ATP1A2: variants seen among roughly 807,000 people sequenced by gnomAD.
ATP1A2 encodes the protein sodium/potassium-transporting ATPase subunit alpha-2.
In ATP1A2, 56 loss-of-function variants were observed where a neutral mutation model predicts 113.1. The ratio of observed to expected loss-of-function variants is 0.49; its 90% CI spans 0.40 to 0.62. The LOEUF is 0.62. Among genes scored for constraint, ATP1A2 ranks in the 20% least tolerant of loss-of-function variants. ATP1A2 has a pLI of 0.00. For missense variants in ATP1A2, 712 were observed against 1,357.8 expected, an observed-to-expected ratio of 0.52 and a Z score of 7.47; for synonymous variants, 490 against 526.8, an observed-to-expected ratio of 0.93 and a Z score of 0.96.
At position 160,129,394 on chromosome 1, in the gene ATP1A2, G is replaced by C; in HGVS notation, c.1455G>C (p.Lys485Asn). 6.2e-7 allele frequency: 1 copy of C among 1,613,336 alleles called. No individual in the cohort carries two copies. Among genetic ancestry groups the C allele is most frequent in the Non-Finnish European group, 8.5e-7 (1 of 1,179,998 alleles). The change falls in exon 11 of 23, where the codon AAG becomes AAC. Residue 485 changes from lysine to asparagine, a missense_variant. By Grantham distance (94) the Lys-to-Asn change is moderately conservative. Coordinates refer to ENST00000361216, the MANE Select transcript of ATP1A2 (RefSeq NM_000702.4). ...VAEIPFNSTNKYQLSIHERED... is the reference protein window; with the variant it reads ...VAEIPFNSTNNYQLSIHERED... ...AGATTCCTTTCAACTCTACCAACAA[G>C]TACCAGGTCTGCTTGGGTTGCCAGG... is the stretch of plus-strand genomic sequence containing the variant.
rs1651664283 is a variant in ATP1A2 at position 160,128,709 on chromosome 1, C to T, written c.1075C>T (p.Leu359=). The T allele has an allele frequency of 1.9e-6, 3 of 1,614,034 alleles. No homozygotes were observed. Among genetic ancestry groups the T allele is most frequent in the South Asian group, 2.2e-5 (2 of 91,078 alleles). The change falls in exon 9 of 23, where the codon CTG becomes TTG. Residue 359 remains leucine (L), a synonymous_variant. Coordinates refer to ENST00000361216, the MANE Select transcript of ATP1A2 (RefSeq NM_000702.4). ...MARKNCLVKN[L]EAVETLGSTS... The stretch of plus-strand genomic sequence containing the variant: ...ACGGAAGAACTGCCTGGTGAAGAAC[C>T]TGGAGGCGGTGGAGACGCTGGGCTC...
intron 17 of ATP1A2, 77 bp downstream of exon 17, chr1:160,136,070 G>A: frequency 1.9e-6 from 3 of 1,611,398 alleles, no homozygotes; most frequent in Non-Finnish European, 2.5e-6. Flanking sequence ...GGTGCACTGG[G>A]GCAGTGGCCC....
rs368603035 is a variant in ATP1A2, at chr1:160,116,548, C to G, written c.12+675C>G. The stretch of plus-strand genomic sequence containing the variant: ...AGAGGCTGGTGACAGGTGACCCCCC[C>G]CCCAGTCCACCCGTCCATGGCATTC... On this transcript the variant is annotated intron_variant, in intron 1 of 22. Transcript: ENST00000361216. Among the ~76,000 whole-genome samples, 121 of 152,000 alleles carry G rather than the reference C, an allele frequency of 8.0e-4. 1 individual carries two copies. The highest frequency in any genetic ancestry group is 1.3e-3 in the Non-Finnish European group (86 of 67,988).
At chr1:160,115,980 G>C (rs1010426762) in intron 1 of ATP1A2, 107 bp downstream of exon 1, 2 of 1,508,552 alleles carry the variant, frequency 1.3e-6, no homozygotes, top group African/African-American at 2.8e-5. Flanking sequence ...GAGGAGCTGA[G>C]TGGGATACTT....
In ATP1A2 at chr1:160,141,329, T is replaced by C; in HGVS notation, c.*7T>C. 1 of 1,614,008 alleles carries C rather than the reference T, an allele frequency of 6.2e-7. No individual in the cohort carries two copies. Reference sequence around the variant, plus strand: ...GAAGGAGACATACTACTGACCCCATTGGAAGAAGAACCAGGCATGGAAAGA... The same window carrying C: ...GAAGGAGACATACTACTGACCCCATCGGAAGAAGAACCAGGCATGGAAAGA... On this transcript the variant is annotated 3_prime_UTR_variant, in exon 23 of 23. Transcript: ENST00000361216.
intron 13 of ATP1A2, among the ~76,000 whole-genome samples, chr1:160,133,083 A>G (rs1448842769): frequency 4.6e-5 from 7 of 152,076 alleles, no homozygotes; most frequent in Non-Finnish European, 7.3e-5. Flanking sequence ...TGAGCCCCTC[A>G]TTCAACTCCA....
rs200854586 is a variant in ATP1A2, at chr1:160,135,309, C to A, written c.2115+14C>A. On this transcript the variant is annotated intron_variant, in intron 15 of 22. Coordinates refer to ENST00000361216, the MANE Select transcript of ATP1A2 (RefSeq NM_000702.4). This position sits in a 1 kb window ranked among gnomAD's most constrained non-coding sequence, Gnocchi z 6.3. ...TGTCAGAGGCAGGTGAGCACAGCCA[C>A]GGGAGGCAGATGACAGGCAGGGACC... 1.9e-6 allele frequency: 3 copies of A among 1,614,090 alleles called. No homozygotes were observed. The highest frequency in any genetic ancestry group is 2.2e-5 in the South Asian group (2 of 91,084).
rs386368465 is a variant in ATP1A2, at chr1:160,119,256, C to CAAAAAAAAAAAAAA, written c.13-1636_13-1623dup. Reference sequence around the variant, plus strand: ...AAACCCCCAAAACTGCATTATCCTGCAAAAAAAAAAAAAAAAAAAAAAAAA... The same window carrying CAAAAAAAAAAAAAA: ...AAACCCCCAAAACTGCATTATCCTGCAAAAAAAAAAAAAAAAAAAAAAAAAAAAAAAAAAAAAAA... On this transcript the variant is annotated intron_variant, in intron 1 of 22. Coordinates refer to ENST00000361216, the MANE Select transcript of ATP1A2 (RefSeq NM_000702.4). 6.5e-4 allele frequency among the ~76,000 whole-genome samples: 32 copies of CAAAAAAAAAAAAAA among 49,428 alleles called. 6 individuals are homozygous for CAAAAAAAAAAAAAA. Among genetic ancestry groups the CAAAAAAAAAAAAAA allele is most frequent in the East Asian group, 1.6e-3 (2 of 1,282 alleles). The allele number at this position is 49,428 out of a possible 152,430, so 32.4% of individuals were successfully genotyped here.
At chr1:160,137,195 G>A (rs1651980080) in intron 20 of ATP1A2, 164 bp downstream of exon 20, 5 of 1,195,694 alleles carry the variant, frequency 4.2e-6, no homozygotes, top group Non-Finnish European at 5.9e-6. Flanking sequence ...ATAGAAGAGA[G>A]AAGCCATGCT....
At position 160,127,373 on chromosome 1, in the gene ATP1A2, G is replaced by A. The variant is rs151177923; in HGVS notation, c.749-179G>A. The stretch of plus-strand genomic sequence containing the variant: ...TAATTTGCTGTTGTATTGATTCAAG[G>A]ATTGGCGATCTATCCAGGGAAAGGA... On this transcript the variant is annotated intron_variant, in intron 7 of 22. Coordinates refer to ENST00000361216, the MANE Select transcript of ATP1A2 (RefSeq NM_000702.4). 2.6e-3 allele frequency among the ~76,000 whole-genome samples: 398 copies of A among 152,318 alleles called. 4 individuals carry two copies. The highest frequency in any genetic ancestry group is 9.2e-3 in the African/African-American group (383 of 41,572).
At chr1:160,130,075 C>G (rs1460893096) in intron 11 of ATP1A2, 27 bp from the exon 12 acceptor site, 10 of 1,614,104 alleles carry the variant, frequency 6.2e-6, no homozygotes, top group Non-Finnish European at 8.5e-6. Context: ...GTATGGCCCT[C>G]TCTGTAACTA....
rs767045548 is a variant in ATP1A2, at chr1:160,124,341, G to A, written c.541G>A (p.Glu181Lys). Residue 181 changes from glutamate to lysine, a missense_variant, in exon 6 of 23, where the codon GAG (glutamate) becomes AAG (lysine). Glu to Lys is a moderately conservative substitution (Grantham distance 56). Around this residue, in one of 6 missense-constraint regions of ATP1A2, gnomAD observed 99 missense variants for 180.4 expected, o/e 0.55. Transcript: ENST00000361216. ...REGEKMQINA[E>K]EVVVGDLVEV... is the part of the protein sequence containing the mutation. ...GGGAGAGAAGATGCAGATCAACGCA[G>A]AGGAAGTGGTGGTGGGAGACCTGGT... 3 of 1,612,294 alleles carry A rather than the reference G, an allele frequency of 1.9e-6. No homozygotes were observed. The highest frequency in any genetic ancestry group is 2.2e-5 in the South Asian group (2 of 90,622).
rs371742379 is a variant in ATP1A2, at chr1:160,139,725, C to A, written c.2926C>A (p.Arg976Ser). 6 of 1,614,186 alleles carry A rather than the reference C, an allele frequency of 3.7e-6. No individual in the cohort carries two copies. The highest frequency in any genetic ancestry group is 5.1e-6 in the Non-Finnish European group (6 of 1,180,024). ...CTGCCCAGGCATGGGTGTAGCCCTC[C>A]GCATGTACCCGCTCAAGTGAGTGTC... ...SYCPGMGVAL[R>S]MYPLKVTWWF... Residue 976 changes from arginine to serine, a missense_variant, in exon 21 of 23, where the codon CGC (arginine) becomes AGC (serine). Arg to Ser is a moderately radical substitution (Grantham distance 110). Around this residue, in one of 6 missense-constraint regions of ATP1A2, gnomAD observed 188 missense variants for 438.9 expected, o/e 0.43. Transcript: ENST00000361216.
intron 7 of ATP1A2, among the ~76,000 whole-genome samples, chr1:160,126,572 C>G (rs532392110): frequency 7.3e-4 from 111 of 152,210 alleles, no homozygotes; most frequent in Middle Eastern, 3.4e-3. Context: ...CAGGCTCAAG[C>G]GATCTCCCAC....
intron 8 of ATP1A2, among the ~76,000 whole-genome samples, chr1:160,128,134 C>G (rs1651643793): frequency 6.6e-6 from 1 of 152,212 alleles, no homozygotes; most frequent in African/African-American, 2.4e-5. Flanking sequence ...CAGTCACTAA[C>G]TAGCAAATCC....
rs761325687 is a variant in ATP1A2, at chr1:160,129,244, G to A, written c.1327-22G>A. 1.9e-6 allele frequency: 3 copies of A among 1,614,122 alleles called. No homozygotes were observed. In the South Asian group the frequency reaches 3.3e-5, roughly 18 times the overall value. On this transcript the variant is annotated intron_variant, in intron 10 of 22. Transcript: ENST00000361216. ...CTCCCTTCCCTCCCATGCTGACACT[G>A]AATTCTTGTCTCTTCTGGCAGCGGG...
Position 160,135,228 on chromosome 1 carries a change from C to G in ATP1A2, c.2048C>G (p.Thr683Arg). The change falls in exon 15 of 23, where the codon ACA becomes AGA. Residue 683 changes from threonine to arginine, a missense_variant. Physicochemically the swap from Thr to Arg is moderately conservative, Grantham distance 71. Coordinates refer to ENST00000361216, the MANE Select transcript of ATP1A2 (RefSeq NM_000702.4). This position sits in a 1 kb window ranked among gnomAD's most constrained non-coding sequence, Gnocchi z 6.3. ...EQLDEILKNH[T>R]EIVFARTSPQ... Reference sequence around the variant, plus strand: ...CTCGATGAGATCCTCAAGAACCACACAGAGATCGTCTTTGCTCGAACGTCT... The same window carrying G: ...CTCGATGAGATCCTCAAGAACCACAGAGAGATCGTCTTTGCTCGAACGTCT... 1 of 1,614,084 alleles carries G rather than the reference C, an allele frequency of 6.2e-7. No individual in the cohort carries two copies. Among genetic ancestry groups the G allele is most frequent in the Non-Finnish European group, 8.5e-7 (1 of 1,180,054 alleles).
intron 3 of ATP1A2, among the ~76,000 whole-genome samples, chr1:160,122,353 C>G (rs1253186258): frequency 6.6e-6 from 1 of 151,124 alleles, no homozygotes; most frequent in African/African-American, 2.4e-5. Flanking sequence ...TCTTGTCCAT[C>G]TCTGCATCCG....
At chr1:160,139,380 G>A (rs868849715) in intron 20 of ATP1A2, among the ~76,000 whole-genome samples, 8 of 152,126 alleles carry the variant, frequency 5.3e-5, no homozygotes, top group East Asian at 1.9e-4. Context: ...TACAGAACAC[G>A]TCACCCAACA....
Sources: allele counts gnomAD v4.1 joint callset (sites outside exome capture counted in the v4.1 genomes callset), GRCh38; gene constraint gnomAD v4.1.1; regional missense constraint gnomAD v4.1.1; non-coding constraint Gnocchi (gnomAD v3.1); transcripts MANE v1.5; gene names NCBI Gene and HGNC (gene_info 2026-07-23, HGNC 2026-07-21).